Variants in RUFY2 observed in about 807,000 individuals in gnomAD.
RUFY2 encodes the protein RUN and FYVE domain containing 2.
RUFY2 carries 49 observed loss-of-function variants against 94.4 expected under a neutral mutation model. That is an observed-to-expected ratio of 0.52 (90% CI 0.41 to 0.66). The LOEUF is 0.66. RUFY2 is among the 30% of genes least tolerant of loss of function. The pLI, the probability that RUFY2 is intolerant of heterozygous loss-of-function variation, is 0.00. For synonymous variants in RUFY2, 255 were observed against 235.7 expected (o/e 1.08, Z -0.75); for missense variants, 541 against 692.8 (o/e 0.78, Z 2.46).
chr10:68,406,664 GCCCCTTCCCTGCCTCTCTTCCTGC>G, intron 1 of RUFY2: 2 of 1,249,692 alleles, frequency 1.6e-6, no homozygotes, highest in Non-Finnish European at 2.2e-6. Flanking sequence ...GGGGCCTAGA[GCCCCTTCCCTGCCTCTCTTCCTGC>G]CCCCTCCCCC....
At chr10:68,378,994 C>G (rs1281639303) in intron 12 of RUFY2, 1 of 298,516 alleles carries the variant, frequency 3.3e-6, no homozygotes, top group African/African-American at 2.2e-5. Context: ...GGTCCTAGCT[C>G]AAAGAAACAA....
chr10:68,406,605 C>G, intron 1 of RUFY2: 1 of 783,764 alleles, frequency 1.3e-6, no homozygotes, highest in East Asian at 3.1e-5. Context: ...ACCCCCAAAC[C>G]CGGCCGCAGG....
At chr10:68,355,551 T>C (rs1430665921) in intron 15 of RUFY2, 150 bp from the exon 16 acceptor site, 2 of 475,966 alleles carry the variant, frequency 4.2e-6, no homozygotes, top group Non-Finnish European at 7.4e-6. Flanking sequence ...GAATATTTCA[T>C]ATTTTCCTAT....
At position 68,390,500 on chromosome 10, in the gene RUFY2, G is replaced by A. The variant is rs376818191; in HGVS notation, c.650+2638C>T. Among the ~76,000 whole-genome samples, 11 of 152,226 alleles carry A rather than the reference G, an allele frequency of 7.2e-5. No individual in the cohort carries two copies. In the South Asian group the frequency reaches 1.9e-3, roughly 26 times the overall value. On this transcript the variant is annotated intron_variant, in intron 7 of 17. Coordinates refer to ENST00000602465, the MANE Select transcript of RUFY2 (RefSeq NM_001330103.2). ...CTGTGCTGTCCAGTATGGCCGCCAT[G>A]AGCCACATGTGGCTACTAAACACTT...
intron 13 of RUFY2, among the ~76,000 whole-genome samples, chr10:68,369,342 A>G (rs1320860441): frequency 1.3e-5 from 2 of 152,006 alleles, no homozygotes; most frequent in East Asian, 1.9e-4. Flanking sequence ...AAATTTAGCC[A>G]GGTGTGGTGG....
intron 13 of RUFY2, among the ~76,000 whole-genome samples, chr10:68,370,911 T>C (rs2048222063): frequency 6.6e-6 from 1 of 150,682 alleles, no homozygotes; most frequent in African/African-American, 2.4e-5. Flanking sequence ...GGTGGGTGGG[T>C]CACAAGGTCA....
At chr10:68,360,882 A>G (rs1432325054) in intron 15 of RUFY2, among the ~76,000 whole-genome samples, 1 of 141,800 alleles carries the variant, frequency 7.1e-6, no homozygotes, top group Non-Finnish European at 1.5e-5. Context: ...TGGGTGACAG[A>G]GTGAGACCCC....
At position 68,366,437 on chromosome 10, in the gene RUFY2, C is replaced by T. The variant is rs1042600120; in HGVS notation, c.1326-2324G>A. ...ACTATAATCTAAATTTTAAGATAAACAATAAACTTAGAAAAAATTTTCAGG... is the reference window on the plus strand; with the variant it reads ...ACTATAATCTAAATTTTAAGATAAATAATAAACTTAGAAAAAATTTTCAGG... On this transcript the variant is annotated intron_variant, in intron 13 of 17. Transcript: ENST00000602465. Among the ~76,000 whole-genome samples, 4 of 145,806 alleles carry T rather than the reference C, an allele frequency of 2.7e-5. No individual in the cohort carries two copies. In the Admixed American group the frequency reaches 2.7e-4, roughly 10 times the overall value.
chr10:68,367,893 C>A (rs2047972456), intron 13 of RUFY2, among the ~76,000 whole-genome samples: 1 of 152,000 alleles, frequency 6.6e-6, no homozygotes, highest in African/African-American at 2.4e-5. Flanking sequence ...TGCCACCACA[C>A]CTGGCCCTGT....
At chr10:68,373,275 A>G (rs1318610018) in intron 13 of RUFY2, among the ~76,000 whole-genome samples, 1 of 152,234 alleles carries the variant, frequency 6.6e-6, no homozygotes, top group Non-Finnish European at 1.5e-5. Context: ...ATTGCTACAG[A>G]TAAATCAAAA....
chr10:68,396,023 G>A (rs1419764223), intron 4 of RUFY2, among the ~76,000 whole-genome samples: 9 of 151,972 alleles, frequency 5.9e-5, no homozygotes. Flanking sequence ...TTTGAGACAG[G>A]GTCTCACTCT....
At chr10:68,358,310 T>G (rs916030142) in intron 15 of RUFY2, among the ~76,000 whole-genome samples, 1 of 152,226 alleles carries the variant, frequency 6.6e-6, no homozygotes, top group African/African-American at 2.4e-5. Flanking sequence ...AAGCCTCTAC[T>G]ACTGAAGCAG....
chr10:68,362,787 A>C (rs983846384), intron 15 of RUFY2, among the ~76,000 whole-genome samples: 2 of 152,060 alleles, frequency 1.3e-5, no homozygotes, highest in African/African-American at 4.8e-5. Flanking sequence ...TCTTTGAAAA[A>C]AAAAAAAGGA....
chr10:68,404,617 C>A (rs2051127752), intron 2 of RUFY2, 54 bp downstream of exon 2: 13 of 1,329,244 alleles, frequency 9.8e-6, no homozygotes, highest in African/African-American at 1.5e-5. Flanking sequence ...TTCTCAAGGG[C>A]ACTTGAAAAA....
intron 16 of RUFY2, among the ~76,000 whole-genome samples, chr10:68,354,849 CT>C (rs11314109): frequency 0.81 from 113,566 of 140,126 alleles, 46,627 homozygotes; most frequent in East Asian, 0.97. Context: ...AGGTCAGTTT[CT>C]TTTTTTTTTT....
Position 68,384,057 on chromosome 10 carries a change from G to A in RUFY2, c.816C>T (p.His272=), listed in dbSNP as rs2132848651. 2 of 1,611,952 alleles carry A rather than the reference G, an allele frequency of 1.2e-6. No individual in the cohort carries two copies. ...GAAAGCAGTCTATACTTACCTCTAG[G>A]TGCTGCTGTGTTTTCATTAAAATCA... ...NKLILMKTQQ[H]LEVTKVDVET... The change falls in exon 9 of 18, where the codon CAC becomes CAT. Residue 272 remains histidine (H), a synonymous_variant. Coordinates refer to ENST00000602465, the MANE Select transcript of RUFY2 (RefSeq NM_001330103.2).
chr10:68,377,246 T>C, intron 12 of RUFY2: 1 of 1,267,778 alleles, frequency 7.9e-7, no homozygotes, highest in Non-Finnish European at 1.0e-6. Context: ...TGCAAAGCAA[T>C]ACAGCCTTTA....
chr10:68,382,529 A>G (rs1006708559), intron 10 of RUFY2, among the ~76,000 whole-genome samples: 8 of 151,386 alleles, frequency 5.3e-5, no homozygotes, highest in African/African-American at 1.4e-4. Flanking sequence ...CCTGGCTAAC[A>G]TGGTGAAACT....
intron 10 of RUFY2, 144 bp from the exon 11 acceptor site, chr10:68,381,543 A>G (rs1313485128): frequency 1.4e-6 from 1 of 720,742 alleles, no homozygotes; most frequent in Non-Finnish European, 2.2e-6. Flanking sequence ...TAACAAGGCA[A>G]TAAATATTTT....
Sources: gnomAD v4.1 joint callset for allele counts (sites outside exome capture counted in the v4.1 genomes callset) on GRCh38, gnomAD v4.1.1 for gene constraint, MANE v1.5 for transcripts, NCBI Gene and HGNC (gene_info 2026-07-23, HGNC 2026-07-21) for gene names.